TNR: variants seen among roughly 807,000 people sequenced by gnomAD.
TNR encodes the protein tenascin-R.
A neutral mutation model predicts 150.4 loss-of-function variants in TNR; 45 were observed. The ratio of observed to expected loss-of-function variants is 0.30; its 90% CI spans 0.24 to 0.38. The LOEUF is 0.38. Ranked by LOEUF, TNR falls within the 10% of genes least tolerant of loss-of-function variation. The pLI is 1.00. For synonymous variants in TNR, 687 were observed against 678.4 expected (o/e 1.01, Z -0.20); for missense variants, 1,544 against 1,759.1 (o/e 0.88, Z 2.19).
chr1:175,565,961 G>T (rs1000777668), intron 1 of TNR, among the ~76,000 whole-genome samples: 1 of 152,106 alleles, frequency 6.6e-6, no homozygotes, highest in African/African-American at 2.4e-5. Flanking sequence ...AATCTAATAG[G>T]GGATGGACAA....
chr1:175,423,899 T>C (rs1246936552), intron 2 of TNR, among the ~76,000 whole-genome samples: 1 of 152,166 alleles, frequency 6.6e-6, no homozygotes, highest in Non-Finnish European at 1.5e-5. Context: ...TCCCACGAGT[T>C]CCAGGGGTCT....
At chr1:175,671,898 T>C (rs895224422) in intron 1 of TNR, among the ~76,000 whole-genome samples, 8 of 149,764 alleles carry the variant, frequency 5.3e-5, no homozygotes, top group African/African-American at 1.7e-4. Flanking sequence ...CAAGGGAGTC[T>C]TATGAGCTGT....
intron 18 of TNR, among the ~76,000 whole-genome samples, chr1:175,341,351 T>C (rs1399272042): frequency 6.6e-6 from 1 of 152,010 alleles, no homozygotes; most frequent in East Asian, 1.9e-4. Flanking sequence ...TTAATTTTTA[T>C]TTTTTTTAGC....
At chr1:175,687,872 C>T (rs1204995175) in intron 1 of TNR, among the ~76,000 whole-genome samples, 8 of 152,124 alleles carry the variant, frequency 5.3e-5, no homozygotes. Context: ...CCCTCCCCTC[C>T]CCCAGAATAC....
intron 1 of TNR, among the ~76,000 whole-genome samples, chr1:175,564,742 C>A (rs996104602): frequency 2.6e-5 from 4 of 152,204 alleles, no homozygotes; most frequent in South Asian, 4.2e-4. Context: ...ATTTCTGAGC[C>A]CTTCTGCATT....
chr1:175,434,997 T>A (rs1223844644), intron 2 of TNR, among the ~76,000 whole-genome samples: 1 of 152,240 alleles, frequency 6.6e-6, no homozygotes, highest in African/African-American at 2.4e-5. Context: ...TACGTTGCCT[T>A]GGTAATATAT....
At chr1:175,724,331 C>G in intron 1 of TNR, among the ~76,000 whole-genome samples, 1 of 152,126 alleles carries the variant, frequency 6.6e-6, no homozygotes, top group Non-Finnish European at 1.5e-5. Context: ...TACATGGCCA[C>G]AGCAAGAGGA....
In TNR at chr1:175,362,706, C is replaced by T; in HGVS notation, c.2811G>A (p.Arg937=). ...TEYEISLNSV[R]GREESERICT... is the part of the protein sequence containing the mutation. ...AGATGCGCTCGCTTTCCTCCCTGCC[C>T]CGCACGCTGTTGAGGCTGATTTCGT... Residue 937 remains arginine, a synonymous_variant, in exon 14 of 23, where the codon CGG becomes CGA. Coordinates refer to ENST00000367674, the MANE Select transcript of TNR (RefSeq NM_003285.3). 1.2e-6 allele frequency: 2 copies of T among 1,614,120 alleles called. No homozygotes were observed. The highest frequency in any genetic ancestry group is 2.2e-5 in the East Asian group (1 of 44,876).
chr1:175,654,441 G>C (rs1433498541), intron 1 of TNR, among the ~76,000 whole-genome samples: 1 of 152,194 alleles, frequency 6.6e-6, no homozygotes, highest in Non-Finnish European at 1.5e-5. Flanking sequence ...CTTGGGTCCT[G>C]ACTTGAGAGG....
At chr1:175,344,951 A>G (rs1650706732) in intron 18 of TNR, among the ~76,000 whole-genome samples, 1 of 152,134 alleles carries the variant, frequency 6.6e-6, no homozygotes, top group African/African-American at 2.4e-5. Context: ...TACTAAAAAT[A>G]CAAAAAGTTA....
chr1:175,365,303 G>A (rs1354637580), intron 11 of TNR, 24 bp from the exon 12 acceptor site: 2 of 1,573,936 alleles, frequency 1.3e-6, no homozygotes, highest in African/African-American at 1.4e-5. Context: ...GAGATGGATG[G>A]TCCTGAAACA....
At chr1:175,496,644 G>C (rs1571522393) in intron 2 of TNR, among the ~76,000 whole-genome samples, 1 of 152,216 alleles carries the variant, frequency 6.6e-6, no homozygotes, top group East Asian at 1.9e-4. Flanking sequence ...AGACCATTCT[G>C]TGAGGCTATA....
At chr1:175,377,389 C>T (rs1181922029) in intron 9 of TNR, among the ~76,000 whole-genome samples, 1 of 151,912 alleles carries the variant, frequency 6.6e-6, no homozygotes, top group Non-Finnish European at 1.5e-5. Context: ...TGCTAATTAC[C>T]AAATTAGCCT....
chr1:175,355,005 T>A (rs1651250818), intron 17 of TNR, among the ~76,000 whole-genome samples: 2 of 152,222 alleles, frequency 1.3e-5, no homozygotes, highest in Admixed American at 1.3e-4. Flanking sequence ...CAAAAATTTG[T>A]TGTTTCTTTA....
chr1:175,690,549 G>A (rs1192634004), intron 1 of TNR, among the ~76,000 whole-genome samples: 1 of 152,244 alleles, frequency 6.6e-6, no homozygotes, highest in African/African-American at 2.4e-5. Flanking sequence ...TTTGAGGACA[G>A]GAGGGAAGAC....
intron 1 of TNR, among the ~76,000 whole-genome samples, chr1:175,720,640 G>T (rs992004293): frequency 3.3e-5 from 5 of 152,204 alleles, no homozygotes; most frequent in African/African-American, 1.2e-4. Context: ...CAGTCAAATA[G>T]AGGTATTCTG....
chr1:175,512,163 T>C (rs1659205751), intron 2 of TNR, among the ~76,000 whole-genome samples: 1 of 152,208 alleles, frequency 6.6e-6, no homozygotes, highest in Non-Finnish European at 1.5e-5. Context: ...AAGAAGCATG[T>C]AAAAGGGCCA....
intron 1 of TNR, among the ~76,000 whole-genome samples, chr1:175,550,633 T>G (rs1370492049): frequency 6.6e-6 from 1 of 152,078 alleles, no homozygotes; most frequent in African/African-American, 2.4e-5. Context: ...CACACGGATA[T>G]GCACACAGCA....
chr1:175,626,425 AGCT>A (rs1664160047), intron 1 of TNR, among the ~76,000 whole-genome samples: 1 of 152,060 alleles, frequency 6.6e-6, no homozygotes, highest in South Asian at 2.1e-4. Context: ...CTCAGTGCTG[AGCT>A]GCTATCCTCT....
Sources: allele counts gnomAD v4.1 joint callset (sites outside exome capture counted in the v4.1 genomes callset), GRCh38; gene constraint gnomAD v4.1.1; transcripts MANE v1.5; gene names NCBI Gene and HGNC (gene_info 2026-07-23, HGNC 2026-07-21).